Variants in MBP observed in about 807,000 individuals in gnomAD.
MBP encodes the protein Golli-MBP.
MBP carries 16 observed loss-of-function variants against 35.8 expected under a neutral mutation model. That is an observed-to-expected ratio of 0.45 (90% CI 0.30 to 0.68). The LOEUF (loss-of-function observed/expected upper bound fraction) is 0.68. Ranked by LOEUF, MBP falls within the 30% of genes least tolerant of loss-of-function variation. The pLI, the probability that MBP is intolerant of heterozygous loss-of-function variation, is 0.08. For synonymous variants in MBP, 143 were observed against 159.6 expected, an observed-to-expected ratio of 0.90 and a Z score of 0.78; for missense variants, 380 against 404.7, an observed-to-expected ratio of 0.94 and a Z score of 0.52.
At chr18:77,021,748 G>A (rs8083996) in intron 3 of MBP, among the ~76,000 whole-genome samples, 17,460 of 152,148 alleles carry the variant, frequency 0.11, 1,238 homozygotes, top group East Asian at 0.3. Context: ...CCCGCAAAGT[G>A]CTTGGATTAC....
Position 77,102,006 on chromosome 18 carries a change from A to G in MBP, c.51+3205T>C, listed in dbSNP as rs535675022. On this transcript the variant is annotated intron_variant, in intron 2 of 8. Transcript: ENST00000355994. This position sits in a 1 kb window ranked among gnomAD's most constrained non-coding sequence, Gnocchi z 4.4. ...TAGAGACGGAGGCATCAGAGAGAGG[A>G]AAGTTCCCTCCTTGATATAGGAGGG... Among the ~76,000 whole-genome samples the G allele has an allele frequency of 9.7e-4, 148 of 152,308 alleles. No individual in the cohort carries two copies. The highest frequency in any genetic ancestry group is 3.5e-3 in the African/African-American group (146 of 41,566).
At chr18:77,082,041 A>T (rs546044329) in intron 2 of MBP, among the ~76,000 whole-genome samples, 29 of 150,880 alleles carry the variant, frequency 1.9e-4, no homozygotes, top group African/African-American at 6.5e-4. Context: ...TTTAGTAGAG[A>T]CGGGGTTTCA....
At chr18:77,063,054 G>T (rs1028558837) in intron 3 of MBP, among the ~76,000 whole-genome samples, 2 of 152,122 alleles carry the variant, frequency 1.3e-5, no homozygotes, top group African/African-American at 2.4e-5. Flanking sequence ...CGTACTGATG[G>T]GATTTACTAT....
At chr18:77,039,998 G>A (rs1364998344) in intron 3 of MBP, among the ~76,000 whole-genome samples, 1 of 152,172 alleles carries the variant, frequency 6.6e-6, no homozygotes, top group African/African-American at 2.4e-5. Flanking sequence ...TGTTCGTAGA[G>A]TAGGAAAATT....
intron 2 of MBP, chr18:77,093,031 G>A (rs1975602044): frequency 6.6e-6 from 1 of 152,148 alleles, no homozygotes; most frequent in Non-Finnish European, 1.5e-5. Flanking sequence ...TTGCAAACTG[G>A]GCCATAGTTT....
intron 3 of MBP, among the ~76,000 whole-genome samples, chr18:77,037,753 G>A (rs1199741773): frequency 6.6e-6 from 1 of 152,178 alleles, no homozygotes; most frequent in Non-Finnish European, 1.5e-5. Flanking sequence ...CTGTGCAGCC[G>A]AGGCGCCTGG....
intron 1 of MBP, chr18:77,108,338 G>C (rs1363869531): frequency 6.6e-6 from 1 of 152,200 alleles, no homozygotes; most frequent in Non-Finnish European, 1.5e-5. Context: ...GAAAAATTGG[G>C]TAAACATGTG....
chr18:77,057,381 A>G (rs1172319288), intron 3 of MBP, among the ~76,000 whole-genome samples: 1 of 152,170 alleles, frequency 6.6e-6, no homozygotes, highest in African/African-American at 2.4e-5. Flanking sequence ...TTTTGTTTCT[A>G]TGATTTATAC....
rs1295889941 is a variant in MBP, at chr18:77,102,647, ACT to A, written c.51+2562_51+2563del. On this transcript the variant is annotated intron_variant, in intron 2 of 8. Transcript: ENST00000355994. This position sits in a 1 kb window ranked among gnomAD's most constrained non-coding sequence, Gnocchi z 4.4. ...GGGCTTTGCTATGGCTCAAAATCTT[ACT>A]CTGATAGCATTAAACAAATTAAAAA... Among the ~76,000 whole-genome samples the A allele has an allele frequency of 5.9e-5, 9 of 152,238 alleles. No homozygotes were observed. Among genetic ancestry groups the A allele is most frequent in the African/African-American group, 2.2e-4 (9 of 41,468 alleles).
chr18:77,014,337 C>A, intron 4 of MBP: 1 of 985,494 alleles, frequency 1.0e-6, no homozygotes. Context: ...GGAGGACAAA[C>A]AGCCCCTTTT....
intron 1 of MBP, chr18:77,110,148 T>C (rs1269863345): frequency 6.6e-6 from 1 of 152,254 alleles, no homozygotes; most frequent in East Asian, 1.9e-4. Context: ...CCTCTAGGAA[T>C]ATATTTTAGT....
intron 2 of MBP, among the ~76,000 whole-genome samples, chr18:77,100,143 A>G (rs1975939999): frequency 6.6e-6 from 1 of 152,258 alleles, no homozygotes; most frequent in African/African-American, 2.4e-5. Flanking sequence ...TAAAGAGGCC[A>G]TGACATTAAG....
chr18:77,124,349 G>T (rs546777405), intron 1 of MBP, among the ~76,000 whole-genome samples: 117 of 152,308 alleles, frequency 7.7e-4, no homozygotes, highest in African/African-American at 2.7e-3. Context: ...GGAAAATTGG[G>T]GAGCTGAATA....
At chr18:77,025,849 C>T (rs1972198685) in intron 3 of MBP, among the ~76,000 whole-genome samples, 1 of 152,140 alleles carries the variant, frequency 6.6e-6, no homozygotes, top group Admixed American at 6.5e-5. Context: ...ACACCCCACA[C>T]CCTGAGTAAA....
Position 77,087,933 on chromosome 18 carries a change from A to G in MBP, c.51+17278T>C, listed in dbSNP as rs879507299. Among the ~76,000 whole-genome samples, 26 of 151,920 alleles carry G rather than the reference A, an allele frequency of 1.7e-4. No individual in the cohort carries two copies. The South Asian group carries it at 1.9e-3, about 11-fold the overall frequency. ...GGGGATGGGGCAGGGGTCTCCGGGG[A>G]CTTCCACAGCCTATGTCCACGCGGC... On this transcript the variant is annotated intron_variant, in intron 2 of 8. Coordinates refer to ENST00000355994, the MANE Select transcript of MBP (RefSeq NM_001025101.2).
Position 77,101,861 on chromosome 18 carries a change from C to T in MBP, c.51+3350G>A, listed in dbSNP as rs540033171. The stretch of plus-strand genomic sequence containing the variant: ...CCACCACCTCCCCAGCAGCCAACGG[C>T]ACCTAAAGCCTGCTCAGGAAACTGA... On this transcript the variant is annotated intron_variant, in intron 2 of 8. Transcript: ENST00000355994. This position sits in a 1 kb window ranked among gnomAD's most constrained non-coding sequence, Gnocchi z 4.3. Among the ~76,000 whole-genome samples the T allele has an allele frequency of 6.6e-6, 1 of 152,284 alleles. No homozygotes were observed. The highest frequency in any genetic ancestry group is 2.1e-4 in the South Asian group (1 of 4,822).
chr18:76,984,633 C>A (rs1969429147), intron 8 of MBP, 142 bp downstream of exon 8: 1 of 1,127,850 alleles, frequency 8.9e-7, no homozygotes, highest in East Asian at 2.5e-5. Context: ...CACCTGAGCC[C>A]CTGCACGCCT....
chr18:77,041,588 C>A (rs1050846487), intron 3 of MBP, among the ~76,000 whole-genome samples: 2 of 151,998 alleles, frequency 1.3e-5, no homozygotes, highest in African/African-American at 4.8e-5. Flanking sequence ...CCATGGAATA[C>A]TATGCAGCCA....
At chr18:77,097,440 C>CT (rs1446791254) in intron 2 of MBP, 1 of 152,246 alleles carries the variant, frequency 6.6e-6, no homozygotes. Context: ...CACTGACACT[C>CT]TTTTCCGCAG....
Sources: allele counts gnomAD v4.1 joint callset (sites outside exome capture counted in the v4.1 genomes callset), GRCh38; gene constraint gnomAD v4.1.1; non-coding constraint Gnocchi (gnomAD v3.1); transcripts MANE v1.5; gene names NCBI Gene and HGNC (gene_info 2026-07-23, HGNC 2026-07-21).